Variants in LRMDA observed in about 807,000 individuals in gnomAD.
LRMDA encodes the protein leucine-rich melanocyte differentiation-associated protein.
In LRMDA, 18 loss-of-function variants were observed where a neutral mutation model predicts 29.8. The observed-to-expected ratio is 0.60, with a 90% CI of 0.42 to 0.90. The LOEUF (loss-of-function observed/expected upper bound fraction) is 0.90, where lower values mean the gene tolerates loss of function less well. Among genes scored for constraint, LRMDA ranks in the 40% least tolerant of loss-of-function variants. The pLI is 0.00. For missense variants in LRMDA, 273 were observed against 273.9 expected, an observed-to-expected ratio of 1.00 and a Z score of 0.02; for synonymous variants, 125 against 109.4, an observed-to-expected ratio of 1.14 and a Z score of -0.89.
intron 2 of LRMDA, among the ~76,000 whole-genome samples, chr10:75,486,676 A>G (rs900132433): frequency 6.6e-6 from 1 of 152,156 alleles, no homozygotes; most frequent in African/African-American, 2.4e-5. Flanking sequence ...AGTTGGGCCT[A>G]GGGTGAGTCT....
chr10:76,102,607 T>TACC (rs1355184484), intron 5 of LRMDA, among the ~76,000 whole-genome samples: 1 of 152,206 alleles, frequency 6.6e-6, no homozygotes, highest in Non-Finnish European at 1.5e-5. Context: ...GGTATAAATG[T>TACC]ACCATATTTG....
intron 2 of LRMDA, among the ~76,000 whole-genome samples, chr10:75,605,715 G>A (rs911535213): frequency 6.6e-6 from 1 of 152,200 alleles, no homozygotes; most frequent in Non-Finnish European, 1.5e-5. Flanking sequence ...CTTATCTAAG[G>A]TCATGGTGAA....
chr10:75,734,202 A>G (rs1404789959), intron 2 of LRMDA, among the ~76,000 whole-genome samples: 1 of 152,136 alleles, frequency 6.6e-6, no homozygotes, highest in African/African-American at 2.4e-5. Flanking sequence ...GATGATATGA[A>G]CTTGGATATG....
chr10:75,825,975 T>C (rs1589219981), intron 2 of LRMDA, among the ~76,000 whole-genome samples: 1 of 152,290 alleles, frequency 6.6e-6, no homozygotes, highest in East Asian at 1.9e-4. Context: ...ACTTTCTCTG[T>C]CTCCTGCTCC....
At chr10:76,247,136 C>T (rs902470084) in intron 5 of LRMDA, among the ~76,000 whole-genome samples, 1 of 152,170 alleles carries the variant, frequency 6.6e-6, no homozygotes, top group Non-Finnish European at 1.5e-5. Context: ...AGCTTAACTA[C>T]CCAGAGTTGC....
chr10:75,999,130 G>C (rs1278152928), intron 2 of LRMDA, among the ~76,000 whole-genome samples: 1 of 152,216 alleles, frequency 6.6e-6, no homozygotes, highest in Non-Finnish European at 1.5e-5. Context: ...CACACAGCTG[G>C]TGGGACTGTT....
chr10:75,813,742 C>T (rs1381712614), intron 2 of LRMDA, among the ~76,000 whole-genome samples: 2 of 152,164 alleles, frequency 1.3e-5, no homozygotes, highest in African/African-American at 2.4e-5. Context: ...ATTCCCTGAT[C>T]GTGAACTCCC....
intron 2 of LRMDA, among the ~76,000 whole-genome samples, chr10:75,583,477 C>A (rs1840619328): frequency 6.6e-6 from 1 of 152,126 alleles, no homozygotes; most frequent in Non-Finnish European, 1.5e-5. Flanking sequence ...TCTAAATGAT[C>A]AACTCTCATG....
intron 6 of LRMDA, among the ~76,000 whole-genome samples, chr10:76,532,437 C>G (rs1843244651): frequency 6.6e-6 from 1 of 152,138 alleles, no homozygotes; most frequent in African/African-American, 2.4e-5. Flanking sequence ...AAGATTGGAA[C>G]CATATTTTGA....
At chr10:75,732,651 G>A (rs372693209) in intron 2 of LRMDA, among the ~76,000 whole-genome samples, 9 of 152,150 alleles carry the variant, frequency 5.9e-5, no homozygotes, top group East Asian at 5.8e-4. Flanking sequence ...ACATGTGTGT[G>A]GATGGGAAAT....
intron 5 of LRMDA, among the ~76,000 whole-genome samples, chr10:76,189,554 A>G (rs936957294): frequency 6.6e-6 from 1 of 152,190 alleles, no homozygotes; most frequent in East Asian, 1.9e-4. Flanking sequence ...TTGAAAAGAT[A>G]TGGCATAATC....
chr10:76,511,284 G>C (rs943263174), intron 6 of LRMDA, among the ~76,000 whole-genome samples: 23 of 152,140 alleles, frequency 1.5e-4, no homozygotes, highest in Non-Finnish European at 2.9e-4. Context: ...GTGGGTGTGG[G>C]CTGGCATTAG....
chr10:75,632,826 C>A (rs538187195), intron 2 of LRMDA, among the ~76,000 whole-genome samples: 5 of 141,660 alleles, frequency 3.5e-5, no homozygotes, highest in Admixed American at 1.4e-4. Flanking sequence ...AGTCTTTCCC[C>A]CAGTGTTCAG....
At chr10:75,977,680 G>A (rs1409604665) in intron 2 of LRMDA, among the ~76,000 whole-genome samples, 1 of 152,212 alleles carries the variant, frequency 6.6e-6, no homozygotes, top group Non-Finnish European at 1.5e-5. Context: ...AGTCACTTTA[G>A]CCTTTGGGGA....
chr10:76,327,049 A>G (rs1163684495), intron 6 of LRMDA, among the ~76,000 whole-genome samples: 1 of 150,834 alleles, frequency 6.6e-6, no homozygotes, highest in Non-Finnish European at 1.5e-5. Context: ...TAAACTCCTC[A>G]TAAATGAAAA....
intron 2 of LRMDA, among the ~76,000 whole-genome samples, chr10:76,001,465 A>G (rs1329563828): frequency 6.6e-6 from 1 of 152,208 alleles, no homozygotes; most frequent in Non-Finnish European, 1.5e-5. Context: ...GATGGATTTT[A>G]AAAATCATTT....
chr10:75,985,171 A>G (rs1240292959), intron 2 of LRMDA, among the ~76,000 whole-genome samples: 1 of 152,176 alleles, frequency 6.6e-6, no homozygotes, highest in African/African-American at 2.4e-5. Flanking sequence ...AACGATGGAA[A>G]TGGGAAAGGA....
chr10:76,161,650 C>A (rs1178496877), intron 5 of LRMDA, among the ~76,000 whole-genome samples: 2 of 152,178 alleles, frequency 1.3e-5, no homozygotes, highest in South Asian at 2.1e-4. Context: ...ACGCATGAAA[C>A]AAATGTTGAT....
chr10:76,203,539 C>T (rs984389779), intron 5 of LRMDA, among the ~76,000 whole-genome samples: 37 of 152,284 alleles, frequency 2.4e-4, no homozygotes, highest in Admixed American at 2.0e-4. Flanking sequence ...TTTGGTGATT[C>T]GGAGAAGACA....
Sources: allele counts gnomAD v4.1 joint callset (sites outside exome capture counted in the v4.1 genomes callset), GRCh38; gene constraint gnomAD v4.1.1; transcripts MANE v1.5; gene names NCBI Gene and HGNC (gene_info 2026-07-23, HGNC 2026-07-21).